FHIT: variants seen among roughly 807,000 people sequenced by gnomAD.
FHIT encodes the protein fragile histidine triad diadenosine triphosphatase, also known as bis(5'-adenosyl)-triphosphatase.
FHIT carries 19 observed loss-of-function variants against 17.9 expected under a neutral mutation model. The observed-to-expected ratio is 1.06, with a 90% confidence interval of 0.74 to 1.56. The LOEUF (loss-of-function observed/expected upper bound fraction) is 1.56. Among genes scored for constraint, FHIT ranks in the 40% most tolerant of loss-of-function variants. The pLI, the probability that FHIT is intolerant of heterozygous loss-of-function variation, is 0.00. For missense variants in FHIT, 248 were observed against 189.2 expected (o/e 1.31, Z -1.82); for synonymous variants, 81 against 69.7 (o/e 1.16, Z -0.81).
chr3:61,062,399 T>C (rs2034459400), intron 2 of FHIT, among the ~76,000 whole-genome samples: 1 of 152,234 alleles, frequency 6.6e-6, no homozygotes, highest in East Asian at 1.9e-4. Flanking sequence ...AATATCCTTT[T>C]GCCCCTCCCA....
intron 8 of FHIT, among the ~76,000 whole-genome samples, chr3:59,830,094 AC>A (rs33999758): frequency 5.3e-5 from 8 of 150,026 alleles, no homozygotes; most frequent in South Asian, 4.2e-4. Context: ...AAACAAAACA[AC>A]CCCCCCCTCA....
chr3:60,249,181 G>A (rs1489399229), intron 5 of FHIT, among the ~76,000 whole-genome samples: 1 of 151,990 alleles, frequency 6.6e-6, no homozygotes, highest in Non-Finnish European at 1.5e-5. Context: ...AACAAGGCAG[G>A]GGTAGAATTT....
At chr3:60,611,890 G>T (rs2038796603) in intron 4 of FHIT, among the ~76,000 whole-genome samples, 1 of 152,162 alleles carries the variant, frequency 6.6e-6, no homozygotes, top group Admixed American at 6.5e-5. Context: ...CAGAGCAGCT[G>T]GGAGGACATT....
At chr3:60,455,583 AATT>A (rs2032039603) in intron 5 of FHIT, among the ~76,000 whole-genome samples, 1 of 152,120 alleles carries the variant, frequency 6.6e-6, no homozygotes, top group African/African-American at 2.4e-5. Flanking sequence ...TATGAATAAT[AATT>A]ATTATGGATA....
intron 4 of FHIT, among the ~76,000 whole-genome samples, chr3:60,550,003 T>C (rs1413304942): frequency 6.6e-6 from 1 of 152,142 alleles, no homozygotes; most frequent in East Asian, 1.9e-4. Context: ...CTCCAGACAC[T>C]TCTACCAACT....
intron 2 of FHIT, among the ~76,000 whole-genome samples, chr3:61,046,449 G>C (rs2033792092): frequency 6.6e-6 from 1 of 152,114 alleles, no homozygotes; most frequent in African/African-American, 2.4e-5. Context: ...AAAAGAAGTT[G>C]AATCTCTGAA....
chr3:61,065,113 A>G lies in FHIT; in HGVS notation c.-163-23014T>C, dbSNP rs539663281. Reference sequence around the variant, plus strand: ...CCATCCAGGCAAACAAAAAAAAGACACATGAAGATTCCTATTAGCCTGAAG... The same window carrying G: ...CCATCCAGGCAAACAAAAAAAAGACGCATGAAGATTCCTATTAGCCTGAAG... On this transcript the variant is annotated intron_variant, in intron 2 of 9. Transcript: ENST00000492590. 5.3e-5 allele frequency among the ~76,000 whole-genome samples: 8 copies of G among 152,336 alleles called. No homozygotes were observed. The South Asian group carries it at 1.7e-3, about 32-fold the overall frequency.
chr3:59,804,752 G>C (rs2107002759), intron 8 of FHIT, among the ~76,000 whole-genome samples: 1 of 152,316 alleles, frequency 6.6e-6, no homozygotes, highest in South Asian at 2.1e-4. Context: ...CTATTTTCCT[G>C]TCTCACTGCC....
At chr3:60,072,246 T>C (rs979808597) in intron 5 of FHIT, among the ~76,000 whole-genome samples, 3 of 152,190 alleles carry the variant, frequency 2.0e-5, no homozygotes, top group Non-Finnish European at 4.4e-5. Context: ...ACATTAACCC[T>C]AGCTTGTCAT....
At chr3:59,954,181 T>G (rs1707271145) in intron 7 of FHIT, among the ~76,000 whole-genome samples, 1 of 150,690 alleles carries the variant, frequency 6.6e-6, no homozygotes, top group African/African-American at 2.4e-5. Context: ...ACAATAATCA[T>G]GTAAGGGAAC....
At chr3:60,200,173 G>C (rs950813272) in intron 5 of FHIT, among the ~76,000 whole-genome samples, 1 of 152,034 alleles carries the variant, frequency 6.6e-6, no homozygotes, top group Non-Finnish European at 1.5e-5. Flanking sequence ...GACAGTACTG[G>C]GTCCAGGCTA....
At chr3:61,067,639 A>C (rs887647103) in intron 2 of FHIT, among the ~76,000 whole-genome samples, 1 of 152,154 alleles carries the variant, frequency 6.6e-6, no homozygotes, top group Non-Finnish European at 1.5e-5. Context: ...AGGTGAACAG[A>C]AACAGCATTC....
intron 3 of FHIT, among the ~76,000 whole-genome samples, chr3:60,845,338 A>G (rs1019970973): frequency 1.3e-5 from 2 of 151,752 alleles, no homozygotes; most frequent in Non-Finnish European, 2.9e-5. Context: ...CAAACAAACA[A>G]AAAAAAAAAC....
intron 3 of FHIT, among the ~76,000 whole-genome samples, chr3:60,888,405 A>C (rs11130791): frequency 0.58 from 88,414 of 152,076 alleles, 30,112 homozygotes; most frequent in East Asian, 1. Flanking sequence ...TCTACGCATC[A>C]AATTCCAATT....
At chr3:60,013,847 G>A (rs1161513986) in intron 6 of FHIT, among the ~76,000 whole-genome samples, 160 bp downstream of exon 6, 4 of 152,086 alleles carry the variant, frequency 2.6e-5, no homozygotes, top group Admixed American at 6.5e-5. Flanking sequence ...TGGGGCCAAT[G>A]GACAGTAGGG....
chr3:61,179,656 T>A (rs1210110526), intron 2 of FHIT, among the ~76,000 whole-genome samples: 1 of 133,622 alleles, frequency 7.5e-6, no homozygotes, highest in Non-Finnish European at 1.5e-5. Context: ...TGCTGTGAGC[T>A]ATAATTGTGC....
intron 5 of FHIT, among the ~76,000 whole-genome samples, chr3:60,045,987 C>G (rs1462325833): frequency 6.6e-6 from 1 of 152,216 alleles, no homozygotes; most frequent in Non-Finnish European, 1.5e-5. Context: ...TTTTTGGTTA[C>G]AATCAAAGCC....
intron 5 of FHIT, among the ~76,000 whole-genome samples, chr3:60,258,619 T>A (rs1461909474): frequency 1.3e-5 from 2 of 152,142 alleles, no homozygotes; most frequent in Non-Finnish European, 2.9e-5. Flanking sequence ...AGTTCATGGC[T>A]GAGGCACCTA....
At chr3:60,366,480 C>T (rs1416291228) in intron 5 of FHIT, among the ~76,000 whole-genome samples, 1 of 152,122 alleles carries the variant, frequency 6.6e-6, no homozygotes, top group Non-Finnish European at 1.5e-5. Flanking sequence ...TTTGAATATC[C>T]CCTCCAAAAT....
Sources: gnomAD v4.1 joint callset for allele counts (sites outside exome capture counted in the v4.1 genomes callset) on GRCh38, gnomAD v4.1.1 for gene constraint, MANE v1.5 for transcripts, NCBI Gene and HGNC (gene_info 2026-07-23, HGNC 2026-07-21) for gene names.